Variants in LHFPL2 observed in about 807,000 individuals in gnomAD.
LHFPL2 encodes the protein LHFPL tetraspan subfamily member 2 protein.
LHFPL2 carries 7 observed loss-of-function variants against 17.5 expected under a neutral mutation model. That is an observed-to-expected ratio of 0.40 (90% CI 0.23 to 0.75). The LOEUF (loss-of-function observed/expected upper bound fraction) is 0.75. LHFPL2 is among the 30% of genes least tolerant of loss of function. LHFPL2 has a pLI of 0.37. For missense variants in LHFPL2, 241 were observed against 294.8 expected, an observed-to-expected ratio of 0.82 and a Z score of 1.34; for synonymous variants, 134 against 116.2, an observed-to-expected ratio of 1.15 and a Z score of -0.99.
intron 3 of LHFPL2, among the ~76,000 whole-genome samples, chr5:78,535,944 C>T (rs544206131): frequency 6.6e-6 from 1 of 152,168 alleles, no homozygotes; most frequent in African/African-American, 2.4e-5. Context: ...TTATGCCCTA[C>T]GGGGACCTAG....
At chr5:78,540,542 C>G (rs997902534) in intron 3 of LHFPL2, among the ~76,000 whole-genome samples, 2 of 152,202 alleles carry the variant, frequency 1.3e-5, no homozygotes, top group African/African-American at 4.8e-5. Flanking sequence ...ATAGGGCCAC[C>G]AGCAGGAACT....
intron 2 of LHFPL2, among the ~76,000 whole-genome samples, chr5:78,597,322 G>A (rs1743857637): frequency 6.6e-6 from 1 of 152,092 alleles, no homozygotes; most frequent in Admixed American, 6.6e-5. Context: ...GTCTCTTCCA[G>A]TTTTTTTCAA....
intron 2 of LHFPL2, among the ~76,000 whole-genome samples, chr5:78,568,365 C>A (rs760039026): frequency 6.6e-6 from 1 of 152,308 alleles, no homozygotes; most frequent in South Asian, 2.1e-4. Context: ...GGGCTGCATG[C>A]CCTTCTGTTA....
At chr5:78,503,013 T>G (rs184143429) in intron 4 of LHFPL2, among the ~76,000 whole-genome samples, 3 of 148,254 alleles carry the variant, frequency 2.0e-5, no homozygotes, top group Non-Finnish European at 4.5e-5. Context: ...AAGAAAAAAG[T>G]TGCTGGCCAT....
intron 2 of LHFPL2, among the ~76,000 whole-genome samples, chr5:78,583,923 T>G (rs1743255815): frequency 1.3e-5 from 2 of 151,800 alleles, no homozygotes; most frequent in African/African-American, 4.8e-5. Flanking sequence ...GGTACACCAA[T>G]CAGACGTAGA....
At chr5:78,579,415 A>T (rs1238070467) in intron 2 of LHFPL2, among the ~76,000 whole-genome samples, 1 of 152,116 alleles carries the variant, frequency 6.6e-6, no homozygotes, top group East Asian at 1.9e-4. Flanking sequence ...ATATGTATAC[A>T]TGTGCCATGC....
intron 2 of LHFPL2, among the ~76,000 whole-genome samples, chr5:78,573,133 C>G (rs1280545845): frequency 6.6e-6 from 1 of 152,020 alleles, no homozygotes; most frequent in Non-Finnish European, 1.5e-5. Flanking sequence ...AGAAAACAGG[C>G]AGGAACTCAA....
chr5:78,491,458 C>G (rs1029725206), intron 4 of LHFPL2, among the ~76,000 whole-genome samples: 1 of 152,080 alleles, frequency 6.6e-6, no homozygotes, highest in African/African-American at 2.4e-5. Context: ...GACTCTTGGT[C>G]GTCTAGAATA....
intron 4 of LHFPL2, among the ~76,000 whole-genome samples, chr5:78,490,378 A>C (rs892182017): frequency 6.6e-6 from 1 of 152,116 alleles, no homozygotes; most frequent in East Asian, 1.9e-4. Context: ...CCTCCCAAAA[A>C]AGCCAGAGGC....
intron 2 of LHFPL2, among the ~76,000 whole-genome samples, chr5:78,614,736 C>T (rs922993571): frequency 6.6e-6 from 1 of 152,166 alleles, no homozygotes; most frequent in African/African-American, 2.4e-5. Context: ...AAAGTGACTT[C>T]GGACCCTTTC....
intron 2 of LHFPL2, among the ~76,000 whole-genome samples, chr5:78,584,925 C>A (rs1382359900): frequency 6.7e-6 from 1 of 150,016 alleles, no homozygotes; most frequent in Non-Finnish European, 1.5e-5. Context: ...GCTGTGCTAG[C>A]AATCAACGAG....
At chr5:78,626,899 G>A (rs940436235) in intron 2 of LHFPL2, among the ~76,000 whole-genome samples, 2 of 151,860 alleles carry the variant, frequency 1.3e-5, no homozygotes, top group African/African-American at 2.4e-5. Flanking sequence ...TGGCCAACAT[G>A]GTGAAACCCC....
At chr5:78,490,746 CA>C (rs370809060) in intron 4 of LHFPL2, among the ~76,000 whole-genome samples, 25,932 of 91,596 alleles carry the variant, frequency 0.28, 2,576 homozygotes, top group East Asian at 0.54. Context: ...GACTCCCTCT[CA>C]AAAAAAAAAA....
At chr5:78,576,369 C>T (rs1021599595) in intron 2 of LHFPL2, among the ~76,000 whole-genome samples, 11 of 152,116 alleles carry the variant, frequency 7.2e-5, no homozygotes, top group Admixed American at 2.6e-4. Context: ...AAATTACCCA[C>T]GAAAAAGTAA....
chr5:78,627,363 T>C (rs1745082977), intron 2 of LHFPL2, among the ~76,000 whole-genome samples: 1 of 152,060 alleles, frequency 6.6e-6, no homozygotes, highest in African/African-American at 2.4e-5. Flanking sequence ...CCTCCCTCAC[T>C]TTCCCTGTCT....
At chr5:78,629,209 T>C (rs1384197038) in intron 2 of LHFPL2, among the ~76,000 whole-genome samples, 1 of 152,210 alleles carries the variant, frequency 6.6e-6, no homozygotes, top group Non-Finnish European at 1.5e-5. Flanking sequence ...GAAACAGTCA[T>C]TTCTTAACTG....
At chr5:78,555,571 G>A (rs929683481) in intron 3 of LHFPL2, among the ~76,000 whole-genome samples, 2 of 152,302 alleles carry the variant, frequency 1.3e-5, no homozygotes, top group Non-Finnish European at 1.5e-5. Context: ...GGGGTAAAAG[G>A]TCTTTCTACT....
intron 3 of LHFPL2, among the ~76,000 whole-genome samples, chr5:78,539,816 CT>C (rs11351036): frequency 0.44 from 60,478 of 137,476 alleles, 12,641 homozygotes; most frequent in Middle Eastern, 0.52. Context: ...AAGACTTTTG[CT>C]TTTTTTTTTT....
chr5:78,637,287 G>A (rs569277572), intron 1 of LHFPL2, among the ~76,000 whole-genome samples: 14 of 152,156 alleles, frequency 9.2e-5, no homozygotes, highest in Non-Finnish European at 1.6e-4. Flanking sequence ...TAGGGTATGT[G>A]GGAAAATGCA....
Sources: gnomAD v4.1 joint callset for allele counts (sites outside exome capture counted in the v4.1 genomes callset) on GRCh38, gnomAD v4.1.1 for gene constraint, MANE v1.5 for transcripts, NCBI Gene and HGNC (gene_info 2026-07-23, HGNC 2026-07-21) for gene names.